KRT26: variants seen among roughly 807,000 people sequenced by gnomAD.
KRT26 encodes keratin 26, also known as keratin, type I cytoskeletal 26.
In KRT26, 45 loss-of-function variants were observed where a neutral mutation model predicts 46.1. The ratio of observed to expected loss-of-function variants is 0.98; its 90% CI spans 0.77 to 1.25. The LOEUF (loss-of-function observed/expected upper bound fraction) is 1.25. Ranked by LOEUF, KRT26 falls within the 50% of genes most tolerant of loss-of-function variation. The pLI, the probability that KRT26 is intolerant of heterozygous loss-of-function variation, is 0.00. For synonymous variants in KRT26, 191 were observed against 209.9 expected (o/e 0.91, Z 0.78); for missense variants, 582 against 560.1 (o/e 1.04, Z -0.39).
At chr17:40,771,089 T>C in intron 2 of KRT26, 65 bp downstream of exon 2, 1 of 945,222 alleles carries the variant, frequency 1.1e-6, no homozygotes, top group African/African-American at 1.7e-5. Context: ...AAAATATATA[T>C]TCCTTAATCC....
chr17:40,770,046 G>C (rs201714615), exon 4 of KRT26: 3 of 1,614,138 alleles, frequency 1.9e-6, no homozygotes, highest in Non-Finnish European at 2.5e-6. Context: ...CAACAGGACA[G>C]TTAGGTCCAC....
chr17:40,771,975 G>C (rs1421585296), exon 1 of KRT26: 8 of 1,614,160 alleles, frequency 5.0e-6, no homozygotes, highest in Non-Finnish European at 5.9e-6. Flanking sequence ...ATGCCCTCAA[G>C]AGTACAAGAA....
At chr17:40,767,236 C>T (rs1361637612) in intron 7 of KRT26, among the ~76,000 whole-genome samples, 1 of 152,146 alleles carries the variant, frequency 6.6e-6, no homozygotes, top group Non-Finnish European at 1.5e-5. Flanking sequence ...TAAAGGCTGG[C>T]TGCAAGTAAT....
At chr17:40,768,648 T>G (rs185329107) in intron 6 of KRT26, among the ~76,000 whole-genome samples, 4 of 152,360 alleles carry the variant, frequency 2.6e-5, no homozygotes, top group Admixed American at 2.6e-4. Context: ...ATATTCTATA[T>G]TTAAATGTCC....
intron 2 of KRT26, among the ~76,000 whole-genome samples, chr17:40,770,858 G>T (rs1597799214): frequency 6.6e-6 from 1 of 151,824 alleles, no homozygotes; most frequent in Non-Finnish European, 1.5e-5. Flanking sequence ...CTATTTTTTT[G>T]TGTGTGTACT....
intron 6 of KRT26, 58 bp downstream of exon 6, chr17:40,768,821 C>T: frequency 1.1e-6 from 1 of 933,612 alleles, no homozygotes; most frequent in Admixed American, 2.7e-5. Flanking sequence ...CATACCTATA[C>T]TGTGGGAAAA....
In KRT26 at chr17:40,769,889, A is replaced by T. The variant is rs774168064; in HGVS notation, c.844-10T>A. Reference sequence around the variant, plus strand: ...GTTGCAGCGTTGCACTCTGAAGTGTAATTGTCGAAAGGGTTAGTGACTGGC... The same window carrying T: ...GTTGCAGCGTTGCACTCTGAAGTGTTATTGTCGAAAGGGTTAGTGACTGGC... On this transcript the variant is annotated splice_polypyrimidine_tract_variant and intron_variant, in intron 4 of 7. Coordinates refer to ENST00000335552, the Ensembl canonical transcript of KRT26. The T allele has an allele frequency of 8.1e-6, 13 of 1,614,004 alleles. No homozygotes were observed. In the East Asian group the frequency reaches 2.7e-4, roughly 33 times the overall value.
Position 40,769,778 on chromosome 17 carries a change from T to C in KRT26, c.945A>G (p.Ile315Met), listed in dbSNP as rs113788265. Reference sequence around the variant, plus strand: ...CCACAGCCATGAGGGACTGAAGTTCTATTTCCAGGGTTTGCAGATTGCGTT... The same window carrying C: ...CCACAGCCATGAGGGACTGAAGTTCCATTTCCAGGGTTTGCAGATTGCGTT... The change falls in exon 5 of 8, where the codon ATA becomes ATG. Residue 315 changes from isoleucine to methionine, a missense_variant. By Grantham distance (10) the Ile-to-Met change is conservative. Transcript: ENST00000335552. 12 of 1,614,110 alleles carry C rather than the reference T, an allele frequency of 7.4e-6. No homozygotes were observed. Among genetic ancestry groups the C allele is most frequent in the Admixed American group, 3.3e-5 (2 of 60,012 alleles).
At chr17:40,771,333 C>A in intron 1 of KRT26, 97 bp from the exon 2 acceptor site, 1 of 670,818 alleles carries the variant, frequency 1.5e-6, no homozygotes, top group Non-Finnish European at 2.6e-6. Flanking sequence ...TGTCAAACAT[C>A]TGTTTTAGTA....
chr17:40,768,808 T>A, intron 6 of KRT26, 71 bp downstream of exon 6: 1 of 760,946 alleles, frequency 1.3e-6, no homozygotes, highest in East Asian at 2.7e-5. Flanking sequence ...GATGCAATAT[T>A]GGCATACCTA....
chr17:40,766,697 C>A, intron 7 of KRT26, 31 bp from the exon 8 acceptor site: 12 of 1,516,362 alleles, frequency 7.9e-6, no homozygotes, highest in South Asian at 4.6e-5. Context: ...CATTAGTGGT[C>A]ATTTTTTAAC....
rs2038224950 is a variant in KRT26 at position 40,771,911 on chromosome 17, C to T, written c.203G>A (p.Cys68Tyr). Residue 68 changes from cysteine (C) to tyrosine (Y), a missense_variant, in exon 1 of 8, where the codon TGT (cysteine) becomes TAT (tyrosine). Coordinates refer to ENST00000335552, the Ensembl canonical transcript of KRT26. ...GTGCTCATTGCCAAGAAAACCAGCA[C>T]AGGCACCACTTCCCAACCCTCCACC... 6.2e-7 allele frequency: 1 copy of T among 1,614,202 alleles called. No individual in the cohort carries two copies. The highest frequency in any genetic ancestry group is 1.1e-5 in the South Asian group (1 of 91,086).
chr17:40,767,732 G>T (rs2038183008), intron 6 of KRT26, 79 bp from the exon 7 acceptor site: 7 of 745,078 alleles, frequency 9.4e-6, no homozygotes, highest in Non-Finnish European at 1.4e-5. Flanking sequence ...TTGGAAATAA[G>T]AGTTTTGGAA....
At position 40,768,997 on chromosome 17, in the gene KRT26, G is replaced by A. The variant is rs1205032648; in HGVS notation, c.1069C>T (p.Gln357Ter). 1 of 1,613,596 alleles carries A rather than the reference G, an allele frequency of 6.2e-7. No individual in the cohort carries two copies. Among genetic ancestry groups the A allele is most frequent in the Non-Finnish European group, 8.5e-7 (1 of 1,179,688 alleles). The change falls in exon 6 of 8, where the codon CAA becomes TAA. Residue 357 changes from glutamine (Q) to a stop codon, truncating the protein, a stop_gained. Coordinates refer to ENST00000335552, the Ensembl canonical transcript of KRT26. LOFTEE classifies it high-confidence loss of function. ...CCTTCTGTTTCTGTTCGAATCTGTT[G>A]CAGTTGTTCCTCCATCACCCCTATC...
exon 1 of KRT26, chr17:40,772,126 G>A (rs2038228124): frequency 1.2e-6 from 2 of 1,611,156 alleles, no homozygotes; most frequent in East Asian, 2.2e-5. Context: ...TGGCAGCACA[G>A]CCGGGCAACC....
At chr17:40,769,934 G>A in intron 4 of KRT26, 27 bp downstream of exon 4, 1 of 1,614,166 alleles carries the variant, frequency 6.2e-7, no homozygotes, top group Non-Finnish European at 8.5e-7. Context: ...TCCTGAGCAA[G>A]CCCTTTGTAA....
At chr17:40,770,360 C>T (rs772177649) in exon 3 of KRT26, 1 of 1,613,496 alleles carries the variant, frequency 6.2e-7, no homozygotes, top group South Asian at 1.1e-5. Context: ...CTGCGAAGAC[C>T]ACTGGTGTCG....
At chr17:40,768,246 AC>A (rs1387126791) in intron 6 of KRT26, among the ~76,000 whole-genome samples, 1 of 152,140 alleles carries the variant, frequency 6.6e-6, no homozygotes, top group Non-Finnish European at 1.5e-5. Flanking sequence ...ATTACCAAAT[AC>A]CTTTTCTGTG....
At position 40,769,886 on chromosome 17, in the gene KRT26, T is replaced by C. The variant is rs117545146; in HGVS notation, c.844-7A>G. The C allele has an allele frequency of 3.6e-3, 5,816 of 1,614,100 alleles. 13 individuals carry two copies. Among genetic ancestry groups the C allele is most frequent in the Non-Finnish European group, 4.4e-3 (5,165 of 1,180,006 alleles). On this transcript the variant is annotated splice_polypyrimidine_tract_variant and splice_region_variant and intron_variant, in intron 4 of 7. Coordinates refer to ENST00000335552, the Ensembl canonical transcript of KRT26. ...GTTGTTGCAGCGTTGCACTCTGAAG[T>C]GTAATTGTCGAAAGGGTTAGTGACT...
Sources: allele counts gnomAD v4.1 joint callset (sites outside exome capture counted in the v4.1 genomes callset), GRCh38; gene constraint gnomAD v4.1.1; transcripts MANE v1.5; gene names NCBI Gene and HGNC (gene_info 2026-07-23, HGNC 2026-07-21).